ATRNL1: variants seen among roughly 807,000 people sequenced by gnomAD.
The protein encoded by ATRNL1 is attractin like 1.
Under a neutral mutation model 182.7 loss-of-function variants are expected in ATRNL1, and 95 were observed. That is an observed-to-expected ratio of 0.52 (90% CI 0.44 to 0.62). The LOEUF is 0.62. Among genes scored for constraint, ATRNL1 ranks in the 20% least tolerant of loss-of-function variants. The probability of loss-of-function intolerance (pLI) is 0.00; values close to 1 mark genes in which losing one functional copy is unlikely to be tolerated. For synonymous variants in ATRNL1, 576 were observed against 568.3 expected (o/e 1.01, Z -0.19); for missense variants, 1,471 against 1,679.5 (o/e 0.88, Z 2.17).
intron 13 of ATRNL1, among the ~76,000 whole-genome samples, chr10:115,276,396 A>G (rs544277584): frequency 2.1e-4 from 32 of 152,240 alleles, no homozygotes; most frequent in Admixed American, 1.8e-3. Flanking sequence ...AAATTGTATT[A>G]TGTAAATTGC....
chr10:115,791,065 CAT>C (rs1446491862), intron 27 of ATRNL1, among the ~76,000 whole-genome samples: 4 of 152,128 alleles, frequency 2.6e-5, no homozygotes, highest in Non-Finnish European at 5.9e-5. Flanking sequence ...ATATATTATA[CAT>C]GTTCCTGTCT....
rs184801288 is a variant in ATRNL1 at position 115,226,374 on chromosome 10, G to C, written c.1532+10494G>C. Among the ~76,000 whole-genome samples, 242 of 152,030 alleles carry C rather than the reference G, an allele frequency of 1.6e-3. 1 individual carries two copies. The highest frequency in any genetic ancestry group is 5.4e-3 in the African/African-American group (223 of 41,526). On this transcript the variant is annotated intron_variant, in intron 9 of 28. Transcript: ENST00000355044. ...AGATTTCTTAAATGGAATTTGAGTA[G>C]TTTTATTAGTAAAAGAAAAATGATA...
intron 10 of ATRNL1, among the ~76,000 whole-genome samples, chr10:115,246,075 G>C (rs1283197392): frequency 6.6e-6 from 1 of 152,086 alleles, no homozygotes; most frequent in Non-Finnish European, 1.5e-5. Flanking sequence ...CTTTTATTTT[G>C]AGGAAAGGAT....
rs1385253722 is a variant in ATRNL1 at position 115,442,297 on chromosome 10, C to CTCTCTCTCTCTCTCTCTCTCTT, written c.3322+16002_3322+16003insCTCTCTCTCTCTCTTTCTCTCT. Reference sequence around the variant, plus strand: ...TCTCTCTCTCTCTCTCTCTCTCTCTCTCTCTCTGTGTGTATGTGTGTGTGT... The same window carrying CTCTCTCTCTCTCTCTCTCTCTT: ...TCTCTCTCTCTCTCTCTCTCTCTCTCTCTCTCTCTCTCTCTCTCTCTTTCTCTCTGTGTGTATGTGTGTGTGT... On this transcript the variant is annotated intron_variant, in intron 21 of 28. Transcript: ENST00000355044. 1.4e-4 allele frequency among the ~76,000 whole-genome samples: 19 copies of CTCTCTCTCTCTCTCTCTCTCTT among 133,960 alleles called. 1 individual carries two copies. The highest frequency in any genetic ancestry group is 4.6e-4 in the African/African-American group (18 of 39,510). 87.9% of individuals were successfully genotyped at this position (133,960 alleles called of 152,430 possible). A position where few individuals can be genotyped will look rare whatever the true frequency, so the allele number is the denominator to read the frequency against.
chr10:115,473,287 G>A (rs1399962129), intron 24 of ATRNL1, among the ~76,000 whole-genome samples: 1 of 151,252 alleles, frequency 6.6e-6, no homozygotes, highest in African/African-American at 2.4e-5. Flanking sequence ...CATTTATCAA[G>A]GATGTTGGCC....
chr10:115,184,443 C>A (rs559345735), intron 8 of ATRNL1, among the ~76,000 whole-genome samples: 1 of 151,308 alleles, frequency 6.6e-6, no homozygotes, highest in South Asian at 2.1e-4. Context: ...TATATACACA[C>A]AACTATATAA....
At chr10:115,251,412 C>G (rs1322708135) in intron 10 of ATRNL1, among the ~76,000 whole-genome samples, 2 of 152,186 alleles carry the variant, frequency 1.3e-5, no homozygotes, top group African/African-American at 4.8e-5. Flanking sequence ...TATCCAGCGA[C>G]TGAAGACATG....
At chr10:115,664,412 G>A (rs987697126) in intron 26 of ATRNL1, among the ~76,000 whole-genome samples, 1 of 152,092 alleles carries the variant, frequency 6.6e-6, no homozygotes, top group South Asian at 2.1e-4. Context: ...AAGGATATAT[G>A]TAGGCTTTTG....
chr10:115,380,116 C>A (rs186187020), intron 19 of ATRNL1, among the ~76,000 whole-genome samples: 2 of 152,134 alleles, frequency 1.3e-5, no homozygotes, highest in Non-Finnish European at 2.9e-5. Flanking sequence ...AGTCGTGAGC[C>A]GCCGCGCCTG....
chr10:115,548,923 A>G (rs1852814788), intron 25 of ATRNL1, among the ~76,000 whole-genome samples: 1 of 152,118 alleles, frequency 6.6e-6, no homozygotes, highest in South Asian at 2.1e-4. Context: ...AATGATTGCC[A>G]AAAGGGTTGG....
At chr10:115,593,081 C>G (rs750329431) in intron 26 of ATRNL1, among the ~76,000 whole-genome samples, 1 of 152,118 alleles carries the variant, frequency 6.6e-6, no homozygotes, top group Non-Finnish European at 1.5e-5. Flanking sequence ...ATGCATCTAG[C>G]AAGGGCTTTA....
chr10:115,711,299 G>C (rs1246358445), intron 26 of ATRNL1, among the ~76,000 whole-genome samples: 1 of 152,098 alleles, frequency 6.6e-6, no homozygotes, highest in East Asian at 1.9e-4. Flanking sequence ...AGGCTTCCCA[G>C]ATAAGAAGTT....
chr10:115,142,362 A>C (rs782681279), intron 5 of ATRNL1, among the ~76,000 whole-genome samples: 7 of 152,214 alleles, frequency 4.6e-5, no homozygotes, highest in Non-Finnish European at 8.8e-5. Context: ...CCAGGTGTAC[A>C]TAAGGACCAG....
At chr10:115,572,842 G>T (rs1555003877) in intron 26 of ATRNL1, among the ~76,000 whole-genome samples, 1 of 152,182 alleles carries the variant, frequency 6.6e-6, no homozygotes. Context: ...CAGGACATAT[G>T]ATTGGGGTGT....
rs151184118 is a variant in ATRNL1, at chr10:115,756,464, T to A, written c.3903+29109T>A. ...AGCAGGTTGTTCAGTTTCCATGTAG[T>A]TGTGCAGTTTTGAGTGAGTTTCTTA... is the stretch of plus-strand genomic sequence containing the variant. On this transcript the variant is annotated intron_variant, in intron 27 of 28. Transcript: ENST00000355044. Among the ~76,000 whole-genome samples, 451 of 152,334 alleles carry A rather than the reference T, an allele frequency of 3.0e-3. 2 individuals carry two copies. Among genetic ancestry groups the A allele is most frequent in the African/African-American group, 0.01 (424 of 41,564 alleles).
intron 9 of ATRNL1, among the ~76,000 whole-genome samples, chr10:115,223,799 A>C (rs1849565694): frequency 6.7e-6 from 1 of 150,344 alleles, no homozygotes; most frequent in Admixed American, 6.6e-5. Flanking sequence ...ATAAAAAGTA[A>C]CTTTTTGGTG....
intron 1 of ATRNL1, among the ~76,000 whole-genome samples, chr10:115,112,969 A>G (rs118169277): frequency 3.4e-3 from 514 of 152,342 alleles, no homozygotes; most frequent in Non-Finnish European, 6.3e-3. Flanking sequence ...AGTGGAAATT[A>G]TAAACAAGTG....
At chr10:115,184,363 TACAC>T (rs1215418796) in intron 8 of ATRNL1, among the ~76,000 whole-genome samples, 17 of 151,188 alleles carry the variant, frequency 1.1e-4, no homozygotes, top group African/African-American at 4.1e-4. Context: ...TATATATATA[TACAC>T]ACACATAAAC....
chr10:115,131,479 C>G (rs1402333530), intron 5 of ATRNL1, among the ~76,000 whole-genome samples: 2 of 152,022 alleles, frequency 1.3e-5, no homozygotes, highest in African/African-American at 2.4e-5. Context: ...GATCCTGATT[C>G]TGTATTTAAG....
Sources: gnomAD v4.1 joint callset for allele counts (sites outside exome capture counted in the v4.1 genomes callset) on GRCh38, gnomAD v4.1.1 for gene constraint, MANE v1.5 for transcripts, NCBI Gene and HGNC (gene_info 2026-07-23, HGNC 2026-07-21) for gene names.